The following TCF4 variants were observed in gnomAD, a reference collection of about 807,000 sequenced individuals.
TCF4 encodes SL3-3 enhancer factor 2.
Under a neutral mutation model 82.1 loss-of-function variants are expected in TCF4, and 3 were observed. That is an observed-to-expected ratio of 0.04 (90% CI 0.02 to 0.09). TCF4 has a LOEUF of 0.09. TCF4 is among the 10% of genes least tolerant of loss of function. The pLI is 1.00. For missense variants in TCF4, 518 were observed against 852.7 expected, an observed-to-expected ratio of 0.61 and a Z score of 4.89; for synonymous variants, 276 against 309.6, an observed-to-expected ratio of 0.89 and a Z score of 1.14.
At chr18:55,244,514 T>C (rs2052416443) in intron 15 of TCF4, among the ~76,000 whole-genome samples, 1 of 152,176 alleles carries the variant, frequency 6.6e-6, no homozygotes, top group African/African-American at 2.4e-5. Context: ...TCTAGTAGTA[T>C]TGCTAGTGCA....
intron 3 of TCF4, among the ~76,000 whole-genome samples, chr18:55,572,084 T>A (rs2097478128): frequency 6.6e-6 from 1 of 152,152 alleles, no homozygotes; most frequent in African/African-American, 2.4e-5. Context: ...AGTGGGCATG[T>A]GCTTTCAGGA....
rs190350368 is a variant in TCF4 at position 55,565,417 on chromosome 18, A to G, written c.145+19863T>C. On this transcript the variant is annotated intron_variant, in intron 3 of 19. Coordinates refer to ENST00000354452, the MANE Select transcript of TCF4 (RefSeq NM_001083962.2). The stretch of plus-strand genomic sequence containing the variant: ...TCAATACTGAAAGGTAGGCACAAGA[A>G]GCAGGGATGCTCTGAGAGCAAATGC... Among the ~76,000 whole-genome samples, 3 of 152,358 alleles carry G rather than the reference A, an allele frequency of 2.0e-5. No individual in the cohort carries two copies. In the East Asian group the frequency reaches 5.8e-4, roughly 29 times the overall value.
chr18:55,418,040 T>C (rs960251111), intron 5 of TCF4, among the ~76,000 whole-genome samples: 4 of 150,222 alleles, frequency 2.7e-5, no homozygotes, highest in Admixed American at 6.6e-5. Context: ...TGTGTGTGTG[T>C]GTGTATCTGT....
chr18:55,547,466 C>A (rs1205134672), intron 3 of TCF4, among the ~76,000 whole-genome samples: 1 of 152,150 alleles, frequency 6.6e-6, no homozygotes, highest in Admixed American at 6.5e-5. Flanking sequence ...GCCTGAAGAT[C>A]TAATCAATAC....
At chr18:55,423,596 C>T (rs1305673400) in intron 5 of TCF4, 1 of 152,172 alleles carries the variant, frequency 6.6e-6, no homozygotes, top group Non-Finnish European at 1.5e-5. Context: ...CCTCTGGGAA[C>T]GGTGTTTATA....
chr18:55,326,042 C>T (rs575156953), intron 8 of TCF4, among the ~76,000 whole-genome samples: 1 of 152,226 alleles, frequency 6.6e-6, no homozygotes, highest in South Asian at 2.1e-4. Flanking sequence ...TATTATCATT[C>T]CCACTTTAAA....
At position 55,545,509 on chromosome 18, in the gene TCF4, C is replaced by T. The variant is rs768733211; in HGVS notation, c.145+39771G>A. 9.2e-5 allele frequency among the ~76,000 whole-genome samples: 14 copies of T among 152,024 alleles called. 1 individual carries two copies. Among genetic ancestry groups the T allele is most frequent in the South Asian group, 8.3e-4 (4 of 4,824 alleles). ...TGTTACTCAGGCTGGAGTGCAGTGG[C>T]GGGATCTCAGCTCACTGCAACCTCT... On this transcript the variant is annotated intron_variant, in intron 3 of 19. Transcript: ENST00000354452.
At chr18:55,573,859 T>C (rs1466806661) in intron 3 of TCF4, among the ~76,000 whole-genome samples, 4 of 152,244 alleles carry the variant, frequency 2.6e-5, no homozygotes, top group African/African-American at 2.4e-5. Context: ...TCATTTTATA[T>C]AGAGCTGCCA....
chr18:55,335,799 T>C (rs888941301), intron 8 of TCF4, among the ~76,000 whole-genome samples: 1 of 152,080 alleles, frequency 6.6e-6, no homozygotes, highest in Admixed American at 6.6e-5. Context: ...ACTAAAAAGA[T>C]CAAAAGCCTA....
intron 2 of TCF4, among the ~76,000 whole-genome samples, chr18:55,628,811 G>C (rs1218615107): frequency 6.6e-6 from 1 of 152,160 alleles, no homozygotes; most frequent in Non-Finnish European, 1.5e-5. Flanking sequence ...TCTGGTTTAA[G>C]ATAGCAATTT....
intron 2 of TCF4, among the ~76,000 whole-genome samples, chr18:55,627,994 A>G (rs2097728241): frequency 6.6e-6 from 1 of 151,686 alleles, no homozygotes; most frequent in Non-Finnish European, 1.5e-5. Context: ...CGGGAGGCGG[A>G]GCTTGCAGTG....
At chr18:55,330,244 G>A (rs1232864995) in intron 8 of TCF4, among the ~76,000 whole-genome samples, 2 of 140,534 alleles carry the variant, frequency 1.4e-5, no homozygotes, top group African/African-American at 2.7e-5. Context: ...GCAGTGGCAC[G>A]ATCTCGGCTC....
At chr18:55,536,009 TA>T (rs2097111446) in intron 3 of TCF4, among the ~76,000 whole-genome samples, 1 of 152,186 alleles carries the variant, frequency 6.6e-6, no homozygotes, top group Admixed American at 6.5e-5. Flanking sequence ...CAATCTGAGA[TA>T]TATTTTACAT....
chr18:55,306,521 G>A (rs1334606120), intron 8 of TCF4, among the ~76,000 whole-genome samples: 1 of 152,172 alleles, frequency 6.6e-6, no homozygotes, highest in Non-Finnish European at 1.5e-5. Context: ...ATCACTTTGA[G>A]TAATAAAGAA....
chr18:55,530,111 T>G (rs947313945), intron 3 of TCF4, among the ~76,000 whole-genome samples: 7 of 152,162 alleles, frequency 4.6e-5, no homozygotes, highest in Non-Finnish European at 1.0e-4. Context: ...AGGCAAAAAC[T>G]TTGTCATGAA....
chr18:55,618,151 A>G (rs534406183), intron 2 of TCF4, among the ~76,000 whole-genome samples: 2 of 152,170 alleles, frequency 1.3e-5, no homozygotes, highest in Non-Finnish European at 2.9e-5. Context: ...GAGTATAATT[A>G]TAGCGTTCAT....
chr18:55,529,693 G>T (rs985074758), intron 3 of TCF4, among the ~76,000 whole-genome samples: 5 of 152,110 alleles, frequency 3.3e-5, no homozygotes, highest in African/African-American at 1.2e-4. Flanking sequence ...CATTAGGAAG[G>T]AAAAACACTG....
At chr18:55,427,026 A>G (rs1300574436) in intron 5 of TCF4, among the ~76,000 whole-genome samples, 1 of 152,200 alleles carries the variant, frequency 6.6e-6, no homozygotes, top group Non-Finnish European at 1.5e-5. Context: ...GAAATAAAAC[A>G]CTATTTTGCA....
In TCF4 at chr18:55,458,186, A is replaced by G. The variant is rs151042948; in HGVS notation, c.304+2833T>C. 5.3e-4 allele frequency among the ~76,000 whole-genome samples: 80 copies of G among 152,344 alleles called. 1 individual carries two copies. Among genetic ancestry groups the G allele is most frequent in the Middle Eastern group, 3.4e-3 (1 of 294 alleles). ...GGCTTGATTGATTTGACAATAGAGA[A>G]TCTGCTCCAATAAAGTGGCTGATTT... On this transcript the variant is annotated intron_variant, in intron 5 of 19. Coordinates refer to ENST00000354452, the MANE Select transcript of TCF4 (RefSeq NM_001083962.2).
Sources: allele counts gnomAD v4.1 joint callset (sites outside exome capture counted in the v4.1 genomes callset), GRCh38; gene constraint gnomAD v4.1.1; transcripts MANE v1.5; gene names NCBI Gene and HGNC (gene_info 2026-07-23, HGNC 2026-07-21).